Variants in UBE2G1 observed in about 807,000 individuals in gnomAD.
UBE2G1 encodes ubiquitin-conjugating enzyme E2 G1.
In UBE2G1, 5 loss-of-function variants were observed where a neutral mutation model predicts 22.7. That is an observed-to-expected ratio of 0.22 (90% CI 0.12 to 0.46). The LOEUF (loss-of-function observed/expected upper bound fraction) is 0.46. Among genes scored for constraint, UBE2G1 ranks in the 20% least tolerant of loss-of-function variants. The pLI, the probability that UBE2G1 is intolerant of heterozygous loss-of-function variation, is 0.99. For synonymous variants in UBE2G1, 74 were observed against 67.5 expected, an observed-to-expected ratio of 1.10 and a Z score of -0.47; for missense variants, 88 against 203.9, an observed-to-expected ratio of 0.43 and a Z score of 3.46.
intron 1 of UBE2G1, among the ~76,000 whole-genome samples, chr17:4,359,030 G>A (rs1969938026): frequency 6.6e-6 from 1 of 151,396 alleles, no homozygotes; most frequent in African/African-American, 2.4e-5. Flanking sequence ...AGAAACCCTA[G>A]AAAATATATA....
At chr17:4,300,516 C>A (rs1282831850) in intron 2 of UBE2G1, among the ~76,000 whole-genome samples, 1 of 151,814 alleles carries the variant, frequency 6.6e-6, no homozygotes, top group Non-Finnish European at 1.5e-5. Flanking sequence ...GCACTCCAGC[C>A]TGGGCCACAA....
At position 4,327,843 on chromosome 17, in the gene UBE2G1, C is replaced by T. The variant is rs117799299; in HGVS notation, c.47-20720G>A. On this transcript the variant is annotated intron_variant, in intron 1 of 5. Transcript: ENST00000396981. ...AATAACCTATCACGTACTTAGGATT[C>T]CTCCCAATACAGTACTCAGCAGCCA... Among the ~76,000 whole-genome samples the T allele has an allele frequency of 6.8e-3, 1,034 of 152,306 alleles. 6 individuals carry two copies. The highest frequency in any genetic ancestry group is 0.01 in the Non-Finnish European group (705 of 68,020).
chr17:4,282,916 T>C lies in UBE2G1; in HGVS notation c.432A>G (p.Glu144=), dbSNP rs1968912240. Residue 144 remains glutamate, a synonymous_variant, in exon 5 of 6, where the codon GAA becomes GAG. Coordinates refer to ENST00000396981, the MANE Select transcript of UBE2G1 (RefSeq NM_003342.5). Reference sequence around the variant, plus strand: ...ATTCTCCATTTCTATCTTCCCTCCATTCTTTCTGTAGATTAAAAAAGCAGT... The same window carrying C: ...ATTCTCCATTTCTATCTTCCCTCCACTCTTTCTGTAGATTAAAAAAGCAGT... ...DSPANVDAAK[E]WREDRNGEFK... The C allele has an allele frequency of 4.3e-6, 7 of 1,612,706 alleles. No homozygotes were observed. Among genetic ancestry groups the C allele is most frequent in the Non-Finnish European group, 5.9e-6 (7 of 1,179,440 alleles).
chr17:4,339,311 T>A (rs1006797275), intron 1 of UBE2G1, among the ~76,000 whole-genome samples: 2 of 148,958 alleles, frequency 1.3e-5, no homozygotes, highest in Non-Finnish European at 3.0e-5. Flanking sequence ...GCTTCTCTAT[T>A]TTTTTTTTTT....
intron 3 of UBE2G1, 112 bp downstream of exon 3, chr17:4,296,605 C>CA (rs375695634): frequency 1.8e-6 from 2 of 1,127,654 alleles, no homozygotes; most frequent in East Asian, 4.9e-5. Context: ...ATGAACAGTA[C>CA]AAAAATGCCA....
At chr17:4,275,221 A>G (rs1449123626) in intron 5 of UBE2G1, among the ~76,000 whole-genome samples, 1 of 152,234 alleles carries the variant, frequency 6.6e-6, no homozygotes, top group African/African-American at 2.4e-5. Context: ...CCCTTTTAAT[A>G]AAAGTTATAC....
intron 1 of UBE2G1, among the ~76,000 whole-genome samples, chr17:4,326,118 G>A (rs1969502235): frequency 6.6e-6 from 1 of 151,710 alleles, no homozygotes; most frequent in African/African-American, 2.4e-5. Flanking sequence ...TAAATGATCT[G>A]GATCAAAATT....
chr17:4,296,570 G>A (rs1269409050), intron 3 of UBE2G1, 147 bp downstream of exon 3: 3 of 810,750 alleles, frequency 3.7e-6, no homozygotes, highest in Non-Finnish European at 6.2e-6. Flanking sequence ...CCTTTTAAAG[G>A]TTTTAGTACA....
chr17:4,334,417 T>A (rs1969620716), intron 1 of UBE2G1, among the ~76,000 whole-genome samples: 1 of 152,212 alleles, frequency 6.6e-6, no homozygotes, highest in Non-Finnish European at 1.5e-5. Context: ...CTATATTTCA[T>A]GCCATTAATA....
chr17:4,356,049 T>TAAAA (rs746982860), intron 1 of UBE2G1, among the ~76,000 whole-genome samples: 4 of 99,088 alleles, frequency 4.0e-5, no homozygotes, highest in Admixed American at 1.2e-4. Flanking sequence ...TGTTTCACTT[T>TAAAA]AAAAAAAAAA....
chr17:4,306,863 G>A (rs1203316968), intron 2 of UBE2G1, among the ~76,000 whole-genome samples, 158 bp downstream of exon 2: 1 of 152,118 alleles, frequency 6.6e-6, no homozygotes, highest in East Asian at 1.9e-4. Context: ...CATTGGCCAG[G>A]CTGGTCTCGA....
chr17:4,295,839 G>C (rs1969103681), intron 3 of UBE2G1, among the ~76,000 whole-genome samples: 1 of 150,016 alleles, frequency 6.7e-6, no homozygotes. Flanking sequence ...TCCAGTGGCA[G>C]CTGGCTAGGC....
chr17:4,307,124 C>T lies in UBE2G1; in HGVS notation c.47-1G>A. ...CCTTCCACTGGATTTTTGTTGAGTTCTGTGGAAAAAGAAAAGTTTAATCAA... is the reference window on the plus strand; with the variant it reads ...CCTTCCACTGGATTTTTGTTGAGTTTTGTGGAAAAAGAAAAGTTTAATCAA... On this transcript the variant is annotated splice_acceptor_variant, in intron 1 of 5. Coordinates refer to ENST00000396981, the MANE Select transcript of UBE2G1 (RefSeq NM_003342.5). LOFTEE classifies it high-confidence loss of function. 1 of 1,613,244 alleles carries T rather than the reference C, an allele frequency of 6.2e-7. No individual in the cohort carries two copies. Among genetic ancestry groups the T allele is most frequent in the Non-Finnish European group, 8.5e-7 (1 of 1,179,484 alleles).
chr17:4,286,265 C>T (rs770790363), intron 4 of UBE2G1, among the ~76,000 whole-genome samples: 7 of 151,866 alleles, frequency 4.6e-5, no homozygotes, highest in Non-Finnish European at 7.4e-5. Flanking sequence ...ATTAGCCAGG[C>T]GTGGTGGCAG....
chr17:4,292,196 C>T (rs8070832), intron 3 of UBE2G1, among the ~76,000 whole-genome samples: 3,646 of 151,512 alleles, frequency 0.024, 135 homozygotes, highest in African/African-American at 0.083. Context: ...CTTGGTGGCA[C>T]GCACCTGTAA....
At position 4,362,321 on chromosome 17, in the gene UBE2G1, C is replaced by T. The variant is rs116881473; in HGVS notation, c.46+3950G>A. Among the ~76,000 whole-genome samples the T allele has an allele frequency of 3.9e-5, 6 of 152,244 alleles. No individual in the cohort carries two copies. The East Asian group carries it at 1.2e-3, about 29-fold the overall frequency. On this transcript the variant is annotated intron_variant, in intron 1 of 5. Transcript: ENST00000396981. ...TGGTCTTCTCTGAAACATTTTAACT[C>T]AGTAATCTTCAATCTGGGATGATTT...
At chr17:4,273,272 G>A (rs1333680789) in intron 5 of UBE2G1, among the ~76,000 whole-genome samples, 3 of 152,208 alleles carry the variant, frequency 2.0e-5, no homozygotes, top group Non-Finnish European at 4.4e-5. Context: ...CCCCTCTAAA[G>A]CTGAGACAAG....
chr17:4,341,050 CAAAAAAA>C (rs71383550), intron 1 of UBE2G1, among the ~76,000 whole-genome samples: 2 of 85,950 alleles, frequency 2.3e-5, no homozygotes, highest in East Asian at 4.3e-4. Context: ...AGTGTCTTTA[CAAAAAAA>C]AAAAAAAAAA....
chr17:4,336,397 A>AGG (rs1486336615), intron 1 of UBE2G1, among the ~76,000 whole-genome samples: 1 of 152,204 alleles, frequency 6.6e-6, no homozygotes, highest in East Asian at 1.9e-4. Flanking sequence ...ACCCTTTCAA[A>AGG]ACCAGCTGAA....
Sources: allele counts gnomAD v4.1 joint callset (sites outside exome capture counted in the v4.1 genomes callset), GRCh38; gene constraint gnomAD v4.1.1; transcripts MANE v1.5; gene names NCBI Gene and HGNC (gene_info 2026-07-23, HGNC 2026-07-21).